Variants in TULP4 observed in about 807,000 individuals in gnomAD.
TULP4 encodes tubby-related protein 4.
TULP4 carries 16 observed loss-of-function variants against 129.0 expected under a neutral mutation model. That is an observed-to-expected ratio of 0.12 (90% CI 0.08 to 0.19). The LOEUF (loss-of-function observed/expected upper bound fraction) is 0.19. Ranked by LOEUF, TULP4 falls within the 10% of genes least tolerant of loss-of-function variation. The pLI is 1.00. For synonymous variants in TULP4, 998 were observed against 854.0 expected, an observed-to-expected ratio of 1.17 and a Z score of -2.94; for missense variants, 1,842 against 2,059.1, an observed-to-expected ratio of 0.89 and a Z score of 2.04.
chr6:158,324,331 C>G (rs1439556910), intron 1 of TULP4, among the ~76,000 whole-genome samples: 1 of 151,952 alleles, frequency 6.6e-6, no homozygotes, highest in Non-Finnish European at 1.5e-5. Flanking sequence ...TTTTTTAGAC[C>G]AAGTCTGAAG....
At chr6:158,274,226 C>A (rs1583695112) in intron 1 of TULP4, among the ~76,000 whole-genome samples, 1 of 151,952 alleles carries the variant, frequency 6.6e-6, no homozygotes, top group Non-Finnish European at 1.5e-5. Context: ...CCACAGCACT[C>A]CAGCCTGGGC....
intron 1 of TULP4, among the ~76,000 whole-genome samples, chr6:158,406,674 G>GA (rs1777983781): frequency 6.6e-6 from 1 of 152,152 alleles, no homozygotes; most frequent in Admixed American, 6.5e-5. Flanking sequence ...TGCTTTAATG[G>GA]AAGAATCTTG....
At chr6:158,451,379 C>A (rs576610246) in intron 4 of TULP4, among the ~76,000 whole-genome samples, 2 of 152,224 alleles carry the variant, frequency 1.3e-5, no homozygotes, top group African/African-American at 4.8e-5. Context: ...GTAGGCCCAC[C>A]TCGATGGCTG....
At chr6:158,482,120 A>G (rs1779961393) in intron 8 of TULP4, among the ~76,000 whole-genome samples, 1 of 152,166 alleles carries the variant, frequency 6.6e-6, no homozygotes, top group African/African-American at 2.4e-5. Context: ...TTGTGCCCTC[A>G]GTGGATTTGG....
At chr6:158,309,623 C>G (rs576186583), upstream of TULP4, among the ~76,000 whole-genome samples, 100 of 152,216 alleles carry the variant, frequency 6.6e-4, 1 homozygote, top group African/African-American at 2.1e-3. Context: ...GTGAACCAGA[C>G]TCCGTCTGCA....
intron 1 of TULP4, among the ~76,000 whole-genome samples, chr6:158,365,889 C>CTTTTTTTTTTTTT (rs1780937342): frequency 2.4e-5 from 2 of 84,530 alleles, no homozygotes; most frequent in Non-Finnish European, 4.8e-5. Flanking sequence ...TTTTTTTTTT[C>CTTTTTTTTTTTTT]TTTTTCTTTC....
rs113897803 is a variant in TULP4, at chr6:158,299,116, AG to A, written n.117-12934del. ...TGGGTGTTCTGGGCTCGGAATGGGG[AG>A]TATCCATACTAGGCCTCGGTCGGGG... On this transcript the variant is annotated intron_variant and non_coding_transcript_variant, in intron 1 of 1. Transcript: ENST00000432358. Among the ~76,000 whole-genome samples the A allele has an allele frequency of 1.7e-4, 26 of 151,680 alleles. 2 individuals carry two copies. Among genetic ancestry groups the A allele is most frequent in the African/African-American group, 6.3e-4 (26 of 41,278 alleles).
At chr6:158,450,022 G>A (rs575122376) in intron 4 of TULP4, among the ~76,000 whole-genome samples, 190 of 152,256 alleles carry the variant, frequency 1.2e-3, no homozygotes, top group African/African-American at 3.8e-3. Context: ...TGTTGGGAAC[G>A]TTCAATATCC....
At position 158,242,597 on chromosome 6, in the gene TULP4, G is replaced by A. The variant is rs1777944655; in HGVS notation, n.68+10294G>A. 86 of 715,174 alleles carry A rather than the reference G, an allele frequency of 1.2e-4. 1 individual carries two copies. In the South Asian group the frequency reaches 1.3e-3, roughly 11 times the overall value. 44.3% of individuals were successfully genotyped at this position (715,174 alleles called of 1,614,324 possible). On this transcript the variant is annotated intron_variant and non_coding_transcript_variant, in intron 1 of 1. Coordinates refer to the TULP4 transcript ENST00000620026. ...CCTTTTCAAAGGAGAGAGAGTTATT[G>A]GCTAACAGTTTGGTGCAAGTATTGA...
chr6:158,308,860 A>G (rs1456144944), upstream of TULP4, among the ~76,000 whole-genome samples: 5 of 128,184 alleles, frequency 3.9e-5, no homozygotes, highest in African/African-American at 1.2e-4. Flanking sequence ...TACCTCCCGG[A>G]CGGGGCGGCT....
At chr6:158,361,277 A>T (rs1273269481) in intron 1 of TULP4, among the ~76,000 whole-genome samples, 1 of 152,216 alleles carries the variant, frequency 6.6e-6, no homozygotes, top group African/African-American at 2.4e-5. Flanking sequence ...AGGAGCAGCT[A>T]TTGCTGTTAG....
At chr6:158,402,731 C>G (rs1777882380) in intron 1 of TULP4, among the ~76,000 whole-genome samples, 1 of 152,006 alleles carries the variant, frequency 6.6e-6, no homozygotes, top group African/African-American at 2.4e-5. Flanking sequence ...AGCTTTCAAG[C>G]CTTAAGTTTA....
chr6:158,274,754 G>A (rs1173101015), intron 1 of TULP4, among the ~76,000 whole-genome samples: 2 of 152,124 alleles, frequency 1.3e-5, no homozygotes, highest in Non-Finnish European at 2.9e-5. Flanking sequence ...TCCAGCCTGG[G>A]CAACAGAGCG....
At chr6:158,368,134 G>A (rs1036019572) in intron 1 of TULP4, among the ~76,000 whole-genome samples, 1 of 148,632 alleles carries the variant, frequency 6.7e-6, no homozygotes, top group African/African-American at 2.5e-5. Flanking sequence ...GGACATTTGA[G>A]CTTTCCGTAA....
chr6:158,429,679 A>G (rs1778585267), intron 2 of TULP4, 57 bp from the exon 3 acceptor site: 1 of 1,567,230 alleles, frequency 6.4e-7, no homozygotes, highest in Non-Finnish European at 8.7e-7. Context: ...CTAGACTTTG[A>G]TAAAATGTTT....
intron 1 of TULP4, among the ~76,000 whole-genome samples, chr6:158,386,922 A>G (rs1236869503): frequency 6.6e-6 from 1 of 152,250 alleles, no homozygotes; most frequent in Non-Finnish European, 1.5e-5. Context: ...GAAAATTGTC[A>G]GAGAATTAGT....
chr6:158,452,727 A>G (rs1397639005), intron 5 of TULP4, among the ~76,000 whole-genome samples: 1 of 152,254 alleles, frequency 6.6e-6, no homozygotes, highest in African/African-American at 2.4e-5. Flanking sequence ...TTACCTTGAA[A>G]GACTTGTGGA....
chr6:158,385,304 G>A (rs778577096), intron 1 of TULP4, among the ~76,000 whole-genome samples: 1 of 152,024 alleles, frequency 6.6e-6, no homozygotes, highest in Non-Finnish European at 1.5e-5. Context: ...TTTACATCTG[G>A]CTACTATTAT....
intron 1 of TULP4, among the ~76,000 whole-genome samples, chr6:158,345,198 A>C (rs1216645473): frequency 6.6e-6 from 1 of 152,226 alleles, no homozygotes; most frequent in Non-Finnish European, 1.5e-5. Context: ...GTGCAGGGTG[A>C]ATGCAATGGT....
Sources: gnomAD v4.1 joint callset for allele counts (sites outside exome capture counted in the v4.1 genomes callset) on GRCh38, gnomAD v4.1.1 for gene constraint, MANE v1.5 for transcripts, NCBI Gene and HGNC (gene_info 2026-07-23, HGNC 2026-07-21) for gene names.